PLCB1: variants seen among roughly 807,000 people sequenced by gnomAD.
PLCB1 encodes the protein 1-phosphatidylinositol 4,5-bisphosphate phosphodiesterase beta-1.
In PLCB1, 46 loss-of-function variants were observed where a neutral mutation model predicts 161.8. That is an observed-to-expected ratio of 0.28 (90% CI 0.22 to 0.36). The LOEUF (loss-of-function observed/expected upper bound fraction) is 0.36, where lower values mean the gene tolerates loss of function less well. Ranked by LOEUF, PLCB1 falls within the 10% of genes least tolerant of loss-of-function variation. The pLI, the probability that PLCB1 is intolerant of heterozygous loss-of-function variation, is 1.00. For missense variants in PLCB1, 1,016 were observed against 1,472.5 expected (o/e 0.69, Z 5.07); for synonymous variants, 517 against 503.7 (o/e 1.03, Z -0.35).
At position 8,820,680 on chromosome 20, in the gene PLCB1, A is replaced by G. The variant is rs2146263425; in HGVS notation, c.3423+30419A>G. 2.0e-5 allele frequency among the ~76,000 whole-genome samples: 3 copies of G among 152,280 alleles called. 1 individual carries two copies. The highest frequency in any genetic ancestry group is 2.0e-4 in the Admixed American group (3 of 15,286). On this transcript the variant is annotated intron_variant, in intron 31 of 31. Transcript: ENST00000338037. ...ATATGTGTATCAGGAGCGTTGTGCC[A>G]GAGTGTTCATAGCAACACTCTCTGT...
At chr20:8,187,391 A>C (rs986023188) in intron 2 of PLCB1, among the ~76,000 whole-genome samples, 33 of 152,054 alleles carry the variant, frequency 2.2e-4, no homozygotes, top group African/African-American at 7.7e-4. Context: ...TCAAATATCC[A>C]ACCAGCCACC....
intron 3 of PLCB1, among the ~76,000 whole-genome samples, chr20:8,480,225 G>A (rs1174567069): frequency 6.6e-6 from 1 of 152,088 alleles, no homozygotes; most frequent in Non-Finnish European, 1.5e-5. Flanking sequence ...GCGAGCCAGG[G>A]GTCCCTGTCC....
At chr20:8,467,989 C>T (rs1482722403) in intron 3 of PLCB1, among the ~76,000 whole-genome samples, 4 of 152,160 alleles carry the variant, frequency 2.6e-5, no homozygotes, top group African/African-American at 9.6e-5. Context: ...TAACAAACCA[C>T]TGCTACAGGA....
At chr20:8,178,009 G>A (rs2051801111) in intron 2 of PLCB1, among the ~76,000 whole-genome samples, 1 of 152,128 alleles carries the variant, frequency 6.6e-6, no homozygotes, top group African/African-American at 2.4e-5. Flanking sequence ...CATCCATGTT[G>A]CTGCAAAGGA....
chr20:8,817,526 C>T (rs1985137947), intron 31 of PLCB1, among the ~76,000 whole-genome samples: 1 of 152,182 alleles, frequency 6.6e-6, no homozygotes, highest in South Asian at 2.1e-4. Context: ...ATGACCCACG[C>T]TTAGGCTCCA....
chr20:8,361,803 T>G (rs1324900756), intron 2 of PLCB1, among the ~76,000 whole-genome samples: 1 of 152,218 alleles, frequency 6.6e-6, no homozygotes, highest in Non-Finnish European at 1.5e-5. Flanking sequence ...TTATATCATC[T>G]GGAGTTTTCA....
At chr20:8,640,001 T>C (rs1228621962) in intron 4 of PLCB1, among the ~76,000 whole-genome samples, 1 of 152,174 alleles carries the variant, frequency 6.6e-6, no homozygotes, top group Non-Finnish European at 1.5e-5. Flanking sequence ...ATCGTTCTTA[T>C]AGCAGAGGAA....
rs146878534 is a variant in PLCB1 at position 8,425,633 on chromosome 20, GAAAGA to G, written c.246+54192_246+54196del. 6.4e-3 allele frequency among the ~76,000 whole-genome samples: 967 copies of G among 151,884 alleles called. 9 individuals carry two copies. The highest frequency in any genetic ancestry group is 0.022 in the African/African-American group (924 of 41,320). On this transcript the variant is annotated intron_variant, in intron 3 of 31. Coordinates refer to ENST00000338037, the MANE Select transcript of PLCB1 (RefSeq NM_015192.4). Reference sequence around the variant, plus strand: ...GGATTCTATTTAAAAAAAGAAAAAAGAAAGAAAAGAAAAAAATCATGTTATCTTCC... The same window carrying G: ...GGATTCTATTTAAAAAAAGAAAAAAGAAAGAAAAAAATCATGTTATCTTCC...
chr20:8,451,667 G>A (rs227131), intron 3 of PLCB1, among the ~76,000 whole-genome samples: 99,311 of 151,944 alleles, frequency 0.65, 32,681 homozygotes, highest in African/African-American at 0.71. Context: ...CCTTCTTCAG[G>A]TAAGTATTTT....
chr20:8,420,440 G>A (rs1275244767), intron 3 of PLCB1, among the ~76,000 whole-genome samples: 1 of 152,180 alleles, frequency 6.6e-6, no homozygotes, highest in Non-Finnish European at 1.5e-5. Flanking sequence ...ACATGGATGT[G>A]TTGCATGATG....
chr20:8,799,377 C>T (rs1984180529), intron 31 of PLCB1, among the ~76,000 whole-genome samples: 1 of 152,190 alleles, frequency 6.6e-6, no homozygotes, highest in African/African-American at 2.4e-5. Flanking sequence ...ACCTGCCATA[C>T]ATGAAAAGTC....
chr20:8,421,064 T>G (rs747988049), intron 3 of PLCB1, among the ~76,000 whole-genome samples: 1 of 152,160 alleles, frequency 6.6e-6, no homozygotes, highest in South Asian at 2.1e-4. Flanking sequence ...AAATAAGACA[T>G]AGGCCTCAGA....
intron 26 of PLCB1, among the ~76,000 whole-genome samples, chr20:8,768,332 T>C (rs1447972312): frequency 1.3e-5 from 2 of 152,104 alleles, no homozygotes; most frequent in Non-Finnish European, 2.9e-5. Flanking sequence ...CACTCCAGTC[T>C]CTACCTCCAT....
At chr20:8,777,585 G>C (rs1983004363) in intron 27 of PLCB1, among the ~76,000 whole-genome samples, 1 of 151,984 alleles carries the variant, frequency 6.6e-6, no homozygotes, top group Non-Finnish European at 1.5e-5. Flanking sequence ...CAGGCATGGT[G>C]GTGGGTGCCT....
At position 8,684,229 on chromosome 20, in the gene PLCB1, ATTATTTATTTATTTATTTAT is replaced by A. The variant is rs111508342; in HGVS notation, c.863-684_863-665del. 4.4e-3 allele frequency among the ~76,000 whole-genome samples: 635 copies of A among 145,232 alleles called. 3 individuals are homozygous for A. The highest frequency in any genetic ancestry group is 0.015 in the African/African-American group (597 of 39,654). ...TTTTAAATAATAAAACCACTTGTAA[ATTATTTATTTATTTATTTAT>A]TTATTTATTTATTTATTTTTATTTT... On this transcript the variant is annotated intron_variant, in intron 9 of 31. Transcript: ENST00000338037.
intron 2 of PLCB1, among the ~76,000 whole-genome samples, chr20:8,303,490 G>A (rs951465391): frequency 2.6e-5 from 4 of 152,130 alleles, no homozygotes; most frequent in Non-Finnish European, 5.9e-5. Context: ...CTGGAATACT[G>A]CGTTCTAGTT....
At chr20:8,678,904 A>T (rs1990151614) in intron 9 of PLCB1, among the ~76,000 whole-genome samples, 1 of 152,194 alleles carries the variant, frequency 6.6e-6, no homozygotes, top group Non-Finnish European at 1.5e-5. Flanking sequence ...GTGTCCACTA[A>T]CTGATTGCAT....
At chr20:8,188,665 A>G (rs532767901) in intron 2 of PLCB1, among the ~76,000 whole-genome samples, 14 of 152,162 alleles carry the variant, frequency 9.2e-5, no homozygotes, top group South Asian at 2.1e-4. Flanking sequence ...GGAATTGTCT[A>G]TTTTCGTCCA....
At chr20:8,613,668 ATTT>A (rs1319728771) in intron 3 of PLCB1, among the ~76,000 whole-genome samples, 1 of 152,144 alleles carries the variant, frequency 6.6e-6, no homozygotes, top group Non-Finnish European at 1.5e-5. Flanking sequence ...TTGAAAAATG[ATTT>A]TATTTTTATA....
Sources: gnomAD v4.1 joint callset for allele counts (sites outside exome capture counted in the v4.1 genomes callset) on GRCh38, gnomAD v4.1.1 for gene constraint, MANE v1.5 for transcripts, NCBI Gene and HGNC (gene_info 2026-07-23, HGNC 2026-07-21) for gene names.